The following NAA11 variants were observed in gnomAD, a reference collection of about 807,000 sequenced individuals.
NAA11 encodes N-alpha-acetyltransferase 11, NatA catalytic subunit.
A neutral mutation model predicts 16.1 loss-of-function variants in NAA11; 15 were observed. The ratio of observed to expected loss-of-function variants is 0.93; its 90% confidence interval spans 0.62 to 1.44. The LOEUF is 1.44. Among genes scored for constraint, NAA11 ranks in the 40% most tolerant of loss-of-function variants. The pLI is 0.00. For synonymous variants in NAA11, 122 were observed against 112.4 expected (o/e 1.09, Z -0.54); for missense variants, 298 against 291.3 (o/e 1.02, Z -0.17).
the NAA11 span, among the ~76,000 whole-genome samples, chr4:79,156,174 T>C: frequency 1.3e-5 from 2 of 152,124 alleles, no homozygotes; most frequent in Admixed American, 1.3e-4. Flanking sequence ...AAAACCCACA[T>C]CTGTATATTT....
At chr4:79,310,867 G>A (rs1723751211) in intron 1 of NAA11, among the ~76,000 whole-genome samples, 1 of 152,188 alleles carries the variant, frequency 6.6e-6, no homozygotes, top group Non-Finnish European at 1.5e-5. Context: ...AAAAGGAAGT[G>A]AAAAGGTGAT....
At chr4:79,249,431 T>A (rs772557986) in intron 2 of NAA11, among the ~76,000 whole-genome samples, 10 of 152,242 alleles carry the variant, frequency 6.6e-5, no homozygotes, top group Non-Finnish European at 1.3e-4. Flanking sequence ...CAAACTCATC[T>A]GATAGATTTA....
chr4:79,223,973 A>T (rs1357756097), downstream of NAA11, among the ~76,000 whole-genome samples: 1 of 152,148 alleles, frequency 6.6e-6, no homozygotes, highest in Non-Finnish European at 1.5e-5. Context: ...CACTGTAGAT[A>T]ACAATTTTAG....
the NAA11 span, among the ~76,000 whole-genome samples, chr4:79,174,320 C>T: frequency 6.6e-6 from 1 of 152,122 alleles, no homozygotes; most frequent in South Asian, 2.1e-4. Context: ...AAATGCAGCA[C>T]ATTTCTGATG....
intron 1 of NAA11, among the ~76,000 whole-genome samples, chr4:79,321,672 G>T (rs954791901): frequency 1.4e-4 from 21 of 152,094 alleles, no homozygotes; most frequent in African/African-American, 5.1e-4. Context: ...TTGAGACTTT[G>T]TCACCAATAA....
At chr4:79,195,504 A>C in the NAA11 span, among the ~76,000 whole-genome samples, 2 of 152,238 alleles carry the variant, frequency 1.3e-5, no homozygotes, top group South Asian at 4.2e-4. Flanking sequence ...TCTTTAAGAA[A>C]ATCTAATCTG....
chr4:79,272,945 T>C (rs1722532588), intron 2 of NAA11, among the ~76,000 whole-genome samples: 1 of 151,966 alleles, frequency 6.6e-6, no homozygotes, highest in South Asian at 2.1e-4. Context: ...ACAGTTCTTC[T>C]ACATAGCTAC....
chr4:79,299,968 C>A (rs1225886620), intron 1 of NAA11, among the ~76,000 whole-genome samples: 1 of 152,158 alleles, frequency 6.6e-6, no homozygotes, highest in East Asian at 1.9e-4. Flanking sequence ...TGAGCTCTGG[C>A]CTGGTTCAGC....
the NAA11 span, among the ~76,000 whole-genome samples, chr4:79,173,731 A>G: frequency 6.6e-6 from 1 of 152,094 alleles, no homozygotes; most frequent in Non-Finnish European, 1.5e-5. Flanking sequence ...GCCAAGGCAA[A>G]GAGGTGGGCA....
At chr4:79,270,134 G>T (rs1722459692) in intron 2 of NAA11, among the ~76,000 whole-genome samples, 1 of 150,770 alleles carries the variant, frequency 6.6e-6, no homozygotes, top group South Asian at 2.1e-4. Context: ...AAGTCAGGTA[G>T]TGTGATGCCT....
At chr4:79,172,053 G>A in the NAA11 span, among the ~76,000 whole-genome samples, 3 of 152,206 alleles carry the variant, frequency 2.0e-5, no homozygotes, top group South Asian at 6.2e-4. Context: ...CAATAGGAAA[G>A]GCAGAAAATA....
At chr4:79,222,542 TAGA>T (rs1229655780), downstream of NAA11, among the ~76,000 whole-genome samples, 1 of 150,228 alleles carries the variant, frequency 6.7e-6, no homozygotes, top group Non-Finnish European at 1.5e-5. Flanking sequence ...ATAAAAACCC[TAGA>T]AGAACACCTA....
chr4:79,312,361 G>T (rs1015419271), downstream of NAA11, among the ~76,000 whole-genome samples: 1 of 151,914 alleles, frequency 6.6e-6, no homozygotes, highest in African/African-American at 2.4e-5. Flanking sequence ...TTAAGAGTTG[G>T]GGATCTTGGC....
chr4:79,205,564 A>G, the NAA11 span, among the ~76,000 whole-genome samples: 1 of 151,766 alleles, frequency 6.6e-6, no homozygotes, highest in African/African-American at 2.4e-5. Flanking sequence ...TGTAAGTTGT[A>G]TATTTACTCT....
intron 1 of NAA11, among the ~76,000 whole-genome samples, chr4:79,305,372 A>C (rs1036339627): frequency 6.6e-6 from 1 of 152,246 alleles, no homozygotes; most frequent in Admixed American, 6.5e-5. Flanking sequence ...TATTTCACAA[A>C]GTAAAACATG....
the NAA11 span, among the ~76,000 whole-genome samples, chr4:79,182,251 C>G: frequency 6.6e-6 from 1 of 152,070 alleles, no homozygotes; most frequent in South Asian, 2.1e-4. Context: ...AAATGTTTAT[C>G]TTTAACGTAT....
At position 79,267,314 on chromosome 4, in the gene NAA11, CAG is replaced by C. The variant is rs1285518078; in HGVS notation, c.*122+26689_*122+26690del. Among the ~76,000 whole-genome samples, 9 of 152,242 alleles carry C rather than the reference CAG, an allele frequency of 5.9e-5. No individual in the cohort carries two copies. In the East Asian group the frequency reaches 1.7e-3, roughly 29 times the overall value. The stretch of plus-strand genomic sequence containing the variant: ...TTCAGGCACAAGTTGGATGAATTTT[CAG>C]AGAGTGAAGATTATTACACTTGGGG... On this transcript the variant is annotated intron_variant and NMD_transcript_variant, in intron 2 of 2. Transcript: ENST00000511542.
chr4:79,245,749 A>G (rs1278132441), intron 2 of NAA11, among the ~76,000 whole-genome samples: 1 of 140,018 alleles, frequency 7.1e-6, no homozygotes, highest in Non-Finnish European at 1.5e-5. Flanking sequence ...CCCGGCAGCC[A>G]CCCCCTCTGG....
intron 2 of NAA11, among the ~76,000 whole-genome samples, chr4:79,285,520 A>G (rs1244123869): frequency 6.6e-6 from 1 of 152,120 alleles, no homozygotes; most frequent in Non-Finnish European, 1.5e-5. Context: ...CAAGAGTATT[A>G]CAATACCTTG....
Sources: allele counts gnomAD v4.1 joint callset (sites outside exome capture counted in the v4.1 genomes callset), GRCh38; gene constraint gnomAD v4.1.1; transcripts MANE v1.5; gene names NCBI Gene and HGNC (gene_info 2026-07-23, HGNC 2026-07-21).